The following FAM13C variants were observed in gnomAD, a reference collection of about 807,000 sequenced individuals.
The protein encoded by FAM13C is protein FAM13C.
A neutral mutation model predicts 73.2 loss-of-function variants in FAM13C; 37 were observed. The ratio of observed to expected loss-of-function variants is 0.51; its 90% confidence interval spans 0.39 to 0.67. The LOEUF (loss-of-function observed/expected upper bound fraction) is 0.67. FAM13C is among the 30% of genes least tolerant of loss of function. The probability of loss-of-function intolerance (pLI) is 0.00; values close to 1 mark genes in which losing one functional copy is unlikely to be tolerated. For synonymous variants in FAM13C, 246 were observed against 260.9 expected, an observed-to-expected ratio of 0.94 and a Z score of 0.55; for missense variants, 589 against 715.6, an observed-to-expected ratio of 0.82 and a Z score of 2.02.
chr10:59,352,536 G>T (rs1855200646), intron 2 of FAM13C, 62 bp from the exon 3 acceptor site: 2 of 1,468,518 alleles, frequency 1.4e-6, no homozygotes, highest in Non-Finnish European at 9.1e-7. Context: ...ACTGCTGCAG[G>T]AAAGAGGGCT....
chr10:59,329,534 T>C (rs946387616), intron 3 of FAM13C, among the ~76,000 whole-genome samples: 3 of 151,846 alleles, frequency 2.0e-5, no homozygotes, highest in Non-Finnish European at 2.9e-5. Flanking sequence ...AATTTTTGTA[T>C]TTTTAGTAGA....
intron 4 of FAM13C, among the ~76,000 whole-genome samples, chr10:59,312,747 GATC>G (rs1312579771): frequency 6.6e-6 from 1 of 152,180 alleles, no homozygotes; most frequent in Non-Finnish European, 1.5e-5. Context: ...ACAGAACCTG[GATC>G]AGTGTCGGTC....
At chr10:59,342,597 C>T (rs1853657731) in intron 3 of FAM13C, among the ~76,000 whole-genome samples, 1 of 152,078 alleles carries the variant, frequency 6.6e-6, no homozygotes, top group African/African-American at 2.4e-5. Flanking sequence ...TTGGGACATA[C>T]TTAATCTAAA....
chr10:59,310,853 C>G (rs1439189567), intron 4 of FAM13C, among the ~76,000 whole-genome samples: 1 of 152,174 alleles, frequency 6.6e-6, no homozygotes, highest in Non-Finnish European at 1.5e-5. Context: ...GGCCACAACC[C>G]AAACCTACTT....
rs1850255076 is a variant in FAM13C, at chr10:59,321,431, C to CTTTTTTTTTTTTTTTTTTTTTTTTT, written c.443+2556_443+2557insAAAAAAAAAAAAAAAAAAAAAAAAA. ...AGAAAGGAATGGAGCCCTGCCAACA[C>CTTTTTTTTTTTTTTTTTTTTTTTTT]CTTTTTTTTTTTTTTTTTTTTTTTT... On this transcript the variant is annotated intron_variant, in intron 4 of 13. Transcript: ENST00000618804. 3.6e-5 allele frequency among the ~76,000 whole-genome samples: 4 copies of CTTTTTTTTTTTTTTTTTTTTTTTTT among 109,856 alleles called. 1 individual carries two copies. The highest frequency in any genetic ancestry group is 1.9e-4 in the Admixed American group (2 of 10,466). The allele number at this position is 109,856 out of a possible 152,430, so 72.1% of individuals were successfully genotyped here.
intron 4 of FAM13C, chr10:59,323,218 C>A (rs1028631465): frequency 1.3e-5 from 2 of 152,320 alleles, no homozygotes; most frequent in African/African-American, 2.4e-5. Flanking sequence ...ACAGCTGACA[C>A]AACTAGCGGT....
chr10:59,352,500 A>G, intron 2 of FAM13C, 26 bp from the exon 3 acceptor site: 5 of 1,552,908 alleles, frequency 3.2e-6, no homozygotes, highest in Non-Finnish European at 4.4e-6. Flanking sequence ...CCCAATTTAG[A>G]AAGTACCTTA....
At chr10:59,295,645 A>G (rs1242184390) in intron 5 of FAM13C, among the ~76,000 whole-genome samples, 2 of 152,192 alleles carry the variant, frequency 1.3e-5, no homozygotes, top group Non-Finnish European at 1.5e-5. Flanking sequence ...CACATTTCTG[A>G]CCTACATAAC....
intron 3 of FAM13C, among the ~76,000 whole-genome samples, chr10:59,342,360 T>A (rs1853625967): frequency 6.7e-6 from 1 of 148,786 alleles, no homozygotes. Context: ...AAGTTTGAAC[T>A]AAAAAAAAAA....
At chr10:59,346,478 C>T (rs1394773909) in intron 3 of FAM13C, among the ~76,000 whole-genome samples, 1 of 152,236 alleles carries the variant, frequency 6.6e-6, no homozygotes, top group African/African-American at 2.4e-5. Flanking sequence ...AACAGCTGGT[C>T]TCCCCAAGGA....
intron 3 of FAM13C, among the ~76,000 whole-genome samples, chr10:59,344,366 C>A (rs1206503147): frequency 5.3e-5 from 8 of 151,196 alleles, no homozygotes; most frequent in Admixed American, 2.0e-4. Flanking sequence ...GCAAGTTCCG[C>A]CCCCCAGGTT....
intron 5 of FAM13C, among the ~76,000 whole-genome samples, chr10:59,302,273 G>A (rs1345455510): frequency 6.6e-6 from 1 of 152,126 alleles, no homozygotes; most frequent in Non-Finnish European, 1.5e-5. Flanking sequence ...AGAAAATCCA[G>A]AACAAGCTAA....
intron 4 of FAM13C, among the ~76,000 whole-genome samples, chr10:59,307,639 T>G (rs1305199659): frequency 5.3e-5 from 8 of 152,178 alleles, no homozygotes; most frequent in Non-Finnish European, 1.0e-4. Context: ...TAAAATAAAG[T>G]CTGCCCTTGT....
chr10:59,306,657 C>T (rs1390997082), intron 4 of FAM13C, among the ~76,000 whole-genome samples: 1 of 152,152 alleles, frequency 6.6e-6, no homozygotes, highest in African/African-American at 2.4e-5. Context: ...AGGTGGATTG[C>T]CTGAGCTCAG....
At chr10:59,349,657 G>A (rs867375900) in intron 3 of FAM13C, among the ~76,000 whole-genome samples, 2 of 152,136 alleles carry the variant, frequency 1.3e-5, no homozygotes, top group African/African-American at 4.8e-5. Context: ...CCATTACTTG[G>A]GAGGTTGAGG....
intron 3 of FAM13C, among the ~76,000 whole-genome samples, chr10:59,348,628 C>T (rs1472522689): frequency 6.6e-6 from 1 of 152,106 alleles, no homozygotes; most frequent in Non-Finnish European, 1.5e-5. Flanking sequence ...TGACCTACTC[C>T]AGACTTCATG....
At chr10:59,280,429 G>A (rs1844798607) in intron 6 of FAM13C, among the ~76,000 whole-genome samples, 1 of 152,156 alleles carries the variant, frequency 6.6e-6, no homozygotes, top group South Asian at 2.1e-4. Flanking sequence ...ACTGGCCACA[G>A]ACCCTGAGTT....
chr10:59,310,005 G>A (rs1052462341), intron 4 of FAM13C, among the ~76,000 whole-genome samples: 1 of 152,162 alleles, frequency 6.6e-6, no homozygotes, highest in Non-Finnish European at 1.5e-5. Context: ...CATAACAAAT[G>A]CATTTCTTCC....
At chr10:59,335,267 TCA>T (rs1255276825) in intron 3 of FAM13C, among the ~76,000 whole-genome samples, 3 of 152,160 alleles carry the variant, frequency 2.0e-5, no homozygotes, top group African/African-American at 7.2e-5. Flanking sequence ...GACAATACAT[TCA>T]GACTGAATTG....
Sources: allele counts gnomAD v4.1 joint callset (sites outside exome capture counted in the v4.1 genomes callset), GRCh38; gene constraint gnomAD v4.1.1; transcripts MANE v1.5; gene names NCBI Gene and HGNC (gene_info 2026-07-23, HGNC 2026-07-21).